RIMS2: variants seen among roughly 807,000 people sequenced by gnomAD.
RIMS2 encodes the protein regulating synaptic membrane exocytosis protein 2.
In RIMS2, 59 loss-of-function variants were observed where a neutral mutation model predicts 174.4. The observed-to-expected ratio is 0.34, with a 90% CI of 0.27 to 0.42. The LOEUF is 0.42. Ranked by LOEUF, RIMS2 falls within the 10% of genes least tolerant of loss-of-function variation. The pLI is 1.00. For synonymous variants in RIMS2, 606 were observed against 572.5 expected (o/e 1.06, Z -0.84); for missense variants, 1,620 against 1,666.3 (o/e 0.97, Z 0.48).
intron 1 of RIMS2, among the ~76,000 whole-genome samples, chr8:103,612,597 T>A (rs1317987572): frequency 6.6e-6 from 1 of 152,104 alleles, no homozygotes. Flanking sequence ...TTCCCCCCTC[T>A]AGACGGAATC....
intron 19 of RIMS2, among the ~76,000 whole-genome samples, chr8:104,067,406 C>CT (rs1170107745): frequency 6.6e-6 from 1 of 151,926 alleles, no homozygotes; most frequent in Admixed American, 6.6e-5. Context: ...GACAAATGTA[C>CT]TTTTTTTGAG....
intron 1 of RIMS2, among the ~76,000 whole-genome samples, chr8:103,560,467 C>G (rs1028452650): frequency 1.3e-5 from 2 of 152,124 alleles, no homozygotes; most frequent in Non-Finnish European, 2.9e-5. Flanking sequence ...AAACATGTGC[C>G]CTTTATATAA....
chr8:103,580,771 A>G (rs2093563704), intron 1 of RIMS2, among the ~76,000 whole-genome samples: 1 of 151,970 alleles, frequency 6.6e-6, no homozygotes. Flanking sequence ...TTTAAAGATG[A>G]ACTAATACCA....
intron 19 of RIMS2, among the ~76,000 whole-genome samples, chr8:104,093,972 C>T (rs187487851): frequency 1.2e-3 from 188 of 151,436 alleles, no homozygotes; most frequent in African/African-American, 4.3e-3. Flanking sequence ...TTTCATGTTC[C>T]AAGGAATATG....
chr8:104,032,655 T>C (rs577223108), intron 19 of RIMS2, among the ~76,000 whole-genome samples: 10 of 152,184 alleles, frequency 6.6e-5, no homozygotes, highest in Admixed American at 2.0e-4. Context: ...GAAATTTTCA[T>C]TGAAAATTTA....
At chr8:103,622,498 A>G (rs2095659834) in intron 1 of RIMS2, among the ~76,000 whole-genome samples, 1 of 152,160 alleles carries the variant, frequency 6.6e-6, no homozygotes, top group African/African-American at 2.4e-5. Context: ...AATTTTTTAT[A>G]TAATTAAATA....
chr8:103,610,181 T>C (rs567119630), intron 1 of RIMS2, among the ~76,000 whole-genome samples: 1 of 152,330 alleles, frequency 6.6e-6, no homozygotes, highest in South Asian at 2.1e-4. Flanking sequence ...ACATTGATTT[T>C]GTATTCTGAA....
chr8:103,945,184 T>C (rs1276629636), intron 14 of RIMS2, among the ~76,000 whole-genome samples: 5 of 152,000 alleles, frequency 3.3e-5, no homozygotes, highest in African/African-American at 7.2e-5. Context: ...GGGAATTACA[T>C]TGGAATACAA....
intron 3 of RIMS2, among the ~76,000 whole-genome samples, chr8:103,850,964 T>C (rs1442462156): frequency 1.3e-5 from 2 of 152,054 alleles, no homozygotes; most frequent in Non-Finnish European, 2.9e-5. Context: ...TTATAACTTT[T>C]AGATAAATGC....
chr8:103,733,379 C>A (rs2097636532), intron 2 of RIMS2, among the ~76,000 whole-genome samples: 1 of 152,068 alleles, frequency 6.6e-6, no homozygotes, highest in African/African-American at 2.4e-5. Context: ...TTGCCTGGGG[C>A]TGGGGGAAGG....
intron 19 of RIMS2, among the ~76,000 whole-genome samples, chr8:104,230,625 G>A (rs545249332): frequency 2.6e-5 from 4 of 152,212 alleles, no homozygotes; most frequent in Non-Finnish European, 4.4e-5. Flanking sequence ...CAGCCTGGGC[G>A]ACAAAGTGAG....
intron 15 of RIMS2, among the ~76,000 whole-genome samples, chr8:103,961,670 C>T (rs981227581): frequency 2.0e-5 from 3 of 152,054 alleles, no homozygotes; most frequent in Non-Finnish European, 4.4e-5. Flanking sequence ...ATCTTTTCTG[C>T]AAGTTCTGAT....
intron 1 of RIMS2, among the ~76,000 whole-genome samples, chr8:103,671,972 G>T (rs1378963218): frequency 6.6e-6 from 1 of 152,076 alleles, no homozygotes; most frequent in African/African-American, 2.4e-5. Flanking sequence ...GTAGTTTGAG[G>T]TCACAAAAAG....
chr8:103,870,156 A>G (rs1442785473), intron 3 of RIMS2, among the ~76,000 whole-genome samples: 1 of 148,088 alleles, frequency 6.8e-6, no homozygotes, highest in Non-Finnish European at 1.5e-5. Flanking sequence ...TTTTTCCACT[A>G]GTTTTAAATT....
At chr8:104,099,465 G>A (rs2097828388) in intron 19 of RIMS2, among the ~76,000 whole-genome samples, 1 of 152,100 alleles carries the variant, frequency 6.6e-6, no homozygotes, top group Non-Finnish European at 1.5e-5. Flanking sequence ...TTATGATTGT[G>A]CATAACACTC....
intron 19 of RIMS2, among the ~76,000 whole-genome samples, chr8:104,175,289 G>A (rs76889405): frequency 0.014 from 2,182 of 151,058 alleles, 63 homozygotes; most frequent in African/African-American, 0.051. Context: ...TAAATTTCCT[G>A]TTAACTTTAA....
Position 104,000,800 on chromosome 8 carries a change from C to T in RIMS2, c.3044+11379C>T, listed in dbSNP as rs534324258. Among the ~76,000 whole-genome samples, 59 of 151,970 alleles carry T rather than the reference C, an allele frequency of 3.9e-4. 1 individual carries two copies. Among genetic ancestry groups the T allele is most frequent in the South Asian group, 6.2e-4 (3 of 4,820 alleles). On this transcript the variant is annotated intron_variant, in intron 17 of 23. Coordinates refer to ENST00000504942, the Ensembl canonical transcript of RIMS2. ...CATTGTGGTTTTGATTTGCATTTCT[C>T]TGATAATTAGTGATGTTGAGCATTT...
At chr8:103,882,869 A>G (rs1474150887) in intron 3 of RIMS2, among the ~76,000 whole-genome samples, 1 of 151,678 alleles carries the variant, frequency 6.6e-6, no homozygotes, top group Non-Finnish European at 1.5e-5. Context: ...TATTCACTTT[A>G]TACTCTACTT....
At chr8:103,600,416 T>A (rs1322595356) in intron 1 of RIMS2, among the ~76,000 whole-genome samples, 1 of 152,112 alleles carries the variant, frequency 6.6e-6, no homozygotes, top group East Asian at 1.9e-4. Context: ...ATTACAGGCA[T>A]GTGCCACCAT....
Sources: gnomAD v4.1 joint callset for allele counts (sites outside exome capture counted in the v4.1 genomes callset) on GRCh38, gnomAD v4.1.1 for gene constraint, MANE v1.5 for transcripts, NCBI Gene and HGNC (gene_info 2026-07-23, HGNC 2026-07-21) for gene names.